The following POLR2D variants were observed in gnomAD, a reference collection of about 807,000 sequenced individuals.
POLR2D encodes the protein DNA-directed RNA polymerase II subunit RPB4.
A neutral mutation model predicts 17.6 loss-of-function variants in POLR2D; 10 were observed. The observed-to-expected ratio is 0.57, with a 90% CI of 0.35 to 0.96. The LOEUF is 0.96. Among genes scored for constraint, POLR2D ranks in the 40% least tolerant of loss-of-function variants. The pLI is 0.02. For synonymous variants in POLR2D, 52 were observed against 60.2 expected (o/e 0.86, Z 0.63); for missense variants, 126 against 176.4 (o/e 0.71, Z 1.62).
rs1332185054 is a variant in POLR2D, at chr2:127,852,013, T to A, written c.254+912A>T. Among the ~76,000 whole-genome samples the A allele has an allele frequency of 1.3e-5, 2 of 152,130 alleles. No homozygotes were observed. Among genetic ancestry groups the A allele is most frequent in the East Asian group, 3.9e-4 (2 of 5,182 alleles). On this transcript the variant is annotated intron_variant, in intron 2 of 3. Transcript: ENST00000272645. This position sits in a 1 kb window ranked among gnomAD's most constrained non-coding sequence, Gnocchi z 4.0. ...CATTTTGGTCAGGCTGGTCTTGAACTCCTGACCGCAAGAGATGTGCCCATC... is the reference window on the plus strand; with the variant it reads ...CATTTTGGTCAGGCTGGTCTTGAACACCTGACCGCAAGAGATGTGCCCATC...
intron 2 of POLR2D, among the ~76,000 whole-genome samples, chr2:127,851,317 G>C (rs1690249089): frequency 6.6e-6 from 1 of 152,202 alleles, no homozygotes; most frequent in Non-Finnish European, 1.5e-5. Context: ...TATTTGGAAG[G>C]CTGAGGCATG....
chr2:127,857,411 C>G (rs1690355297), intron 1 of POLR2D, among the ~76,000 whole-genome samples: 1 of 152,206 alleles, frequency 6.6e-6, no homozygotes. Context: ...ATACCCTCCC[C>G]AACCACTTAA....
intron 1 of POLR2D, among the ~76,000 whole-genome samples, chr2:127,855,454 T>C (rs960417787): frequency 1.3e-5 from 2 of 151,138 alleles, no homozygotes; most frequent in African/African-American, 4.9e-5. Flanking sequence ...ACCAAATTAC[T>C]TGTTAAATGG....
In POLR2D at chr2:127,848,122, G is replaced by A; in HGVS notation, c.414C>T (p.Arg138=). ...TGTTTGGAGATTAATACTGAAAGCT[G>A]CGCTTTGTCTGGATATCATCAAGAA... The part of the protein sequence containing the change: ...QQILDDIQTK[R]SFQY The change falls in exon 4 of 4, where the codon CGC becomes CGT. Residue 138 remains arginine (R), a synonymous_variant. Transcript: ENST00000272645. 6.2e-7 allele frequency: 1 copy of A among 1,608,772 alleles called. No individual in the cohort carries two copies.
rs572180439 is a variant in POLR2D at position 127,850,804 on chromosome 2, C to T, written c.255-119G>A. On this transcript the variant is annotated intron_variant, in intron 2 of 3. Coordinates refer to ENST00000272645, the MANE Select transcript of POLR2D (RefSeq NM_004805.4). ...TAGCTAGTATTTAAAAATAGCTAGACGGCCAGGTGTAGTGGCTCACACCTG... is the reference window on the plus strand; with the variant it reads ...TAGCTAGTATTTAAAAATAGCTAGATGGCCAGGTGTAGTGGCTCACACCTG... The T allele has an allele frequency of 8.2e-5, 50 of 609,028 alleles. No homozygotes were observed. In the Middle Eastern group the frequency reaches 2.7e-3, roughly 33 times the overall value. The allele number at this position is 609,028 out of a possible 1,614,324, so 37.7% of individuals were successfully genotyped here.
chr2:127,852,763 G>A lies in POLR2D; in HGVS notation c.254+162C>T, dbSNP rs1380547619. Reference sequence around the variant, plus strand: ...TTGAACACCTGGCCTCAAGTGATCTGCTGCCTCAACCTTCCAAAGTGCTGG... The same window carrying A: ...TTGAACACCTGGCCTCAAGTGATCTACTGCCTCAACCTTCCAAAGTGCTGG... On this transcript the variant is annotated intron_variant, in intron 2 of 3. Coordinates refer to ENST00000272645, the MANE Select transcript of POLR2D (RefSeq NM_004805.4). This position sits in a 1 kb window ranked among gnomAD's most constrained non-coding sequence, Gnocchi z 4.0. Among the ~76,000 whole-genome samples the A allele has an allele frequency of 6.6e-6, 1 of 152,138 alleles. No individual in the cohort carries two copies. Among genetic ancestry groups the A allele is most frequent in the Non-Finnish European group, 1.5e-5 (1 of 68,028 alleles).
At position 127,847,978 on chromosome 2, in the gene POLR2D, G is replaced by T; in HGVS notation, c.*129C>A. On this transcript the variant is annotated 3_prime_UTR_variant, in exon 4 of 4. Coordinates refer to ENST00000272645, the MANE Select transcript of POLR2D (RefSeq NM_004805.4). ...CAGCAACCTAACCCCACGCCAAGCT[G>T]GGCTGTTTTCTCCAAAGGAATTCTC... 1 of 735,516 alleles carries T rather than the reference G, an allele frequency of 1.4e-6. No homozygotes were observed. The allele number at this position is 735,516 out of a possible 1,614,324, so 45.6% of individuals were successfully genotyped here.
intron 1 of POLR2D, among the ~76,000 whole-genome samples, chr2:127,856,732 G>A (rs934031776): frequency 2.0e-4 from 31 of 151,370 alleles, no homozygotes; most frequent in Admixed American, 2.6e-4. Flanking sequence ...TAGTATTTCC[G>A]TTTTAATTTT....
chr2:127,857,941 C>A, intron 1 of POLR2D, 87 bp downstream of exon 1: 1 of 1,507,736 alleles, frequency 6.6e-7, no homozygotes, highest in East Asian at 2.8e-5. Flanking sequence ...GCCGCTGAGG[C>A]AGGGCCTTGG....
chr2:127,850,992 G>A lies in POLR2D; in HGVS notation c.255-307C>T, dbSNP rs936045659. Among the ~76,000 whole-genome samples the A allele has an allele frequency of 7.8e-4, 119 of 151,610 alleles. 1 individual carries two copies. Among genetic ancestry groups the A allele is most frequent in the Admixed American group, 7.9e-4 (12 of 15,206 alleles). ...TCCCAGCACTTTGGGAGGCCGAGGC[G>A]GGTGGATCAACGGAGGTCAGGAGTT... On this transcript the variant is annotated intron_variant, in intron 2 of 3. Transcript: ENST00000272645.
intron 1 of POLR2D, chr2:127,857,803 TC>T (rs1690363483): frequency 1.5e-6 from 2 of 1,309,854 alleles, no homozygotes; most frequent in Non-Finnish European, 1.9e-6. Flanking sequence ...TTGACACAGG[TC>T]CCCGGAACTT....
intron 3 of POLR2D, 81 bp downstream of exon 3, chr2:127,850,509 C>G: frequency 1.9e-6 from 1 of 534,808 alleles, no homozygotes; most frequent in Non-Finnish European, 3.4e-6. Context: ...AAATATATAA[C>G]GCATACACAT....
At chr2:127,857,914 TG>T in intron 1 of POLR2D, 113 bp downstream of exon 1, 1 of 1,437,024 alleles carries the variant, frequency 7.0e-7, no homozygotes. Context: ...CACGCCGCGC[TG>T]GGGCTTGCCC....
Position 127,844,220 on chromosome 2 carries a change from T to C in POLR2D, c.*3887A>G, listed in dbSNP as rs1481208743. The C allele has an allele frequency of 6.6e-6, 1 of 151,324 alleles. No homozygotes were observed. The highest frequency in any genetic ancestry group is 1.5e-5 in the Non-Finnish European group (1 of 67,930). 9.4% of individuals were successfully genotyped at this position (151,324 alleles called of 1,614,324 possible). On this transcript the variant is annotated 3_prime_UTR_variant, in exon 4 of 4. Transcript: ENST00000272645. ...ACCATCTTGGACCAGAAAGCCGCCCTTGCCAGACACTGAACGTACCAGCAC... is the reference window on the plus strand; with the variant it reads ...ACCATCTTGGACCAGAAAGCCGCCCCTGCCAGACACTGAACGTACCAGCAC...
rs1690107288 is a variant in POLR2D at position 127,843,858 on chromosome 2, C to T, written c.*4249G>A. 1 of 153,534 alleles carries T rather than the reference C, an allele frequency of 6.5e-6. No individual in the cohort carries two copies. Among genetic ancestry groups the T allele is most frequent in the Non-Finnish European group, 1.5e-5 (1 of 68,008 alleles). 9.5% of individuals were successfully genotyped at this position (153,534 alleles called of 1,614,324 possible). On this transcript the variant is annotated 3_prime_UTR_variant, in exon 4 of 4. Coordinates refer to ENST00000272645, the MANE Select transcript of POLR2D (RefSeq NM_004805.4). Reference sequence around the variant, plus strand: ...GTGCAGTGACTCATGCCTCTAATCTCAGCATTTGGGAGGCGGAAACAGGTG... The same window carrying T: ...GTGCAGTGACTCATGCCTCTAATCTTAGCATTTGGGAGGCGGAAACAGGTG...
intron 2 of POLR2D, 76 bp from the exon 3 acceptor site, chr2:127,850,761 G>C: frequency 4.1e-6 from 3 of 737,504 alleles, no homozygotes; most frequent in South Asian, 1.6e-5. Context: ...TAATCAACAG[G>C]AAAAAAGGGA....
At chr2:127,856,307 A>AAAAAAAAAAAAAAAAAAAAAAAAAAC (rs1165214005) in intron 1 of POLR2D, among the ~76,000 whole-genome samples, 2 of 147,012 alleles carry the variant, frequency 1.4e-5, no homozygotes, top group Non-Finnish European at 1.5e-5. Flanking sequence ...AAAAAAAAAA[A>AAAAAAAAAAAAAAAAAAAAAAAAAAC]AAGGCAGGGT....
rs190379082 is a variant in POLR2D, at chr2:127,846,767, T to A, written c.*1340A>T. ...TTGGTGGAGGTCATGGGGCAGCACC[T>A]GCAGGTCTACGTTGGGGTGGAGGTG... On this transcript the variant is annotated 3_prime_UTR_variant, in exon 4 of 4. Transcript: ENST00000272645. 127 of 160,808 alleles carry A rather than the reference T, an allele frequency of 7.9e-4. No homozygotes were observed. The highest frequency in any genetic ancestry group is 3.2e-3 in the Middle Eastern group (1 of 316). The allele number at this position is 160,808 out of a possible 1,614,324, so 10.0% of individuals were successfully genotyped here. A position where few individuals can be genotyped will look rare whatever the true frequency, so the allele number is the denominator to read the frequency against.
At chr2:127,849,177 CG>C (rs1553486002) in intron 3 of POLR2D, among the ~76,000 whole-genome samples, 1 of 151,454 alleles carries the variant, frequency 6.6e-6, no homozygotes, top group Non-Finnish European at 1.5e-5. Context: ...CCCGAGTAGC[CG>C]GGACTACAGT....
Sources: gnomAD v4.1 joint callset for allele counts (sites outside exome capture counted in the v4.1 genomes callset) on GRCh38, gnomAD v4.1.1 for gene constraint, Gnocchi (gnomAD v3.1) non-coding constraint, MANE v1.5 for transcripts, NCBI Gene and HGNC (gene_info 2026-07-23, HGNC 2026-07-21) for gene names.